The following MEI4 variants were observed in gnomAD, a reference collection of about 807,000 sequenced individuals.
MEI4 encodes the protein meiotic double-stranded break formation protein 4, also known as meiosis-specific protein MEI4.
MEI4 carries 27 observed loss-of-function variants against 31.4 expected under a neutral mutation model. The ratio of observed to expected loss-of-function variants is 0.86; its 90% CI spans 0.63 to 1.19. MEI4 has a LOEUF of 1.19. Ranked by LOEUF, MEI4 falls within the 50% of genes most tolerant of loss-of-function variation. The probability of loss-of-function intolerance (pLI) is 0.00; values close to 1 mark genes in which losing one functional copy is unlikely to be tolerated. For missense variants in MEI4, 329 were observed against 398.9 expected (o/e 0.82, Z 1.49); for synonymous variants, 122 against 145.4 (o/e 0.84, Z 1.16).
chr6:77,658,100 G>A (rs917414926), intron 1 of MEI4, among the ~76,000 whole-genome samples: 2 of 152,194 alleles, frequency 1.3e-5, no homozygotes, highest in Admixed American at 6.5e-5. Context: ...GGGTGCAGGC[G>A]GGCTGAGTCC....
chr6:77,767,304 C>T (rs959520523), intron 3 of MEI4, among the ~76,000 whole-genome samples: 32 of 151,782 alleles, frequency 2.1e-4, no homozygotes, highest in Admixed American at 1.4e-3. Flanking sequence ...CGCTTGAACC[C>T]GGGAGGCAGA....
intron 4 of MEI4, among the ~76,000 whole-genome samples, chr6:77,866,387 G>C (rs1326307966): frequency 6.6e-6 from 1 of 152,080 alleles, no homozygotes; most frequent in Non-Finnish European, 1.5e-5. Flanking sequence ...CAAAGTCTCA[G>C]GATACAAAAT....
chr6:77,893,692 A>G (rs1039749628), intron 4 of MEI4, among the ~76,000 whole-genome samples: 10 of 152,282 alleles, frequency 6.6e-5, no homozygotes, highest in African/African-American at 2.4e-4. Flanking sequence ...TTCTTGTTCT[A>G]TACTCCTTTT....
At chr6:77,882,977 T>C (rs1365918145) in intron 4 of MEI4, among the ~76,000 whole-genome samples, 1 of 152,232 alleles carries the variant, frequency 6.6e-6, no homozygotes, top group African/African-American at 2.4e-5. Context: ...TGATGTTAGC[T>C]AATGATAGTG....
intron 4 of MEI4, among the ~76,000 whole-genome samples, chr6:77,857,859 G>T (rs532191526): frequency 1.3e-5 from 2 of 152,112 alleles, no homozygotes; most frequent in African/African-American, 4.8e-5. Context: ...GTTTTTAACC[G>T]TATGTATTGA....
At chr6:77,700,614 T>A (rs1766194846) in intron 2 of MEI4, among the ~76,000 whole-genome samples, 1 of 152,210 alleles carries the variant, frequency 6.6e-6, no homozygotes, top group Non-Finnish European at 1.5e-5. Flanking sequence ...GCACTGACTG[T>A]CTGGCACTCC....
intron 1 of MEI4, among the ~76,000 whole-genome samples, chr6:77,657,382 T>C (rs1174728680): frequency 1.3e-5 from 2 of 152,220 alleles, no homozygotes; most frequent in Non-Finnish European, 2.9e-5. Flanking sequence ...TTCATTGACC[T>C]AGGATTGGAA....
intron 2 of MEI4, among the ~76,000 whole-genome samples, chr6:77,744,819 AT>A (rs1767538117): frequency 6.6e-6 from 1 of 152,238 alleles, no homozygotes; most frequent in Admixed American, 6.5e-5. Context: ...AATATTCAAC[AT>A]TCTTAAAGGA....
chr6:77,662,699 A>T (rs1768535115), intron 1 of MEI4, among the ~76,000 whole-genome samples: 1 of 152,180 alleles, frequency 6.6e-6, no homozygotes. Flanking sequence ...GAGAAAGGCT[A>T]CAGGGTGTGG....
At chr6:77,675,628 A>T (rs745472631) in intron 1 of MEI4, among the ~76,000 whole-genome samples, 1 of 151,816 alleles carries the variant, frequency 6.6e-6, no homozygotes, top group Non-Finnish European at 1.5e-5. Context: ...AGCAGAGCCC[A>T]CTGTCATACC....
chr6:77,749,257 A>G (rs1767701321), intron 2 of MEI4, among the ~76,000 whole-genome samples: 1 of 152,138 alleles, frequency 6.6e-6, no homozygotes. Flanking sequence ...AAGAAAACTG[A>G]ACAGAGAATG....
At chr6:77,809,664 G>A (rs1476643563) in intron 3 of MEI4, among the ~76,000 whole-genome samples, 1 of 152,128 alleles carries the variant, frequency 6.6e-6, no homozygotes, top group African/African-American at 2.4e-5. Context: ...AATAGAATGA[G>A]GCTGAGAATT....
chr6:77,867,824 A>C (rs546446820), intron 4 of MEI4, among the ~76,000 whole-genome samples: 24 of 152,258 alleles, frequency 1.6e-4, no homozygotes, highest in African/African-American at 4.6e-4. Flanking sequence ...ACCCAAATGT[A>C]CAACAATGAT....
intron 3 of MEI4, among the ~76,000 whole-genome samples, chr6:77,779,987 T>A (rs1201371562): frequency 1.3e-5 from 2 of 152,180 alleles, no homozygotes. Flanking sequence ...TAACAAGTAT[T>A]CTAAAGAGTT....
chr6:77,716,782 A>C, intron 2 of MEI4: 1 of 587,362 alleles, frequency 1.7e-6, no homozygotes, highest in Non-Finnish European at 2.1e-6. Context: ...CTGGAACAGA[A>C]AACCAAACAC....
chr6:77,868,242 CAAAA>C (rs35228781), intron 4 of MEI4, among the ~76,000 whole-genome samples: 60 of 146,712 alleles, frequency 4.1e-4, no homozygotes, highest in African/African-American at 1.5e-3. Flanking sequence ...AAATTAAAAG[CAAAA>C]AAAAATGCCA....
At chr6:77,865,010 G>A (rs1770979991) in intron 4 of MEI4, among the ~76,000 whole-genome samples, 1 of 152,212 alleles carries the variant, frequency 6.6e-6, no homozygotes, top group African/African-American at 2.4e-5. Flanking sequence ...GAAGGCAGAA[G>A]TAAATATGTT....
At position 77,670,950 on chromosome 6, in the gene MEI4, A is replaced by G. The variant is rs567648573; in HGVS notation, c.-15+17858A>G. Among the ~76,000 whole-genome samples, 111 of 152,164 alleles carry G rather than the reference A, an allele frequency of 7.3e-4. 1 individual carries two copies. Among genetic ancestry groups the G allele is most frequent in the Non-Finnish European group, 1.2e-3 (80 of 68,012 alleles). ...TGATTTATAAATAAAAAAAATTACA[A>G]TCACATTTATGTTTCTGATGTGGTC... On this transcript the variant is annotated intron_variant, in intron 1 of 4. Transcript: ENST00000684080.
intron 1 of MEI4, among the ~76,000 whole-genome samples, chr6:77,657,653 C>T (rs542032657): frequency 6.6e-6 from 1 of 152,128 alleles, no homozygotes; most frequent in South Asian, 2.1e-4. Context: ...CAGCTGTCTA[C>T]TTTAAGAAGT....
Sources: allele counts gnomAD v4.1 joint callset (sites outside exome capture counted in the v4.1 genomes callset), GRCh38; gene constraint gnomAD v4.1.1; transcripts MANE v1.5; gene names NCBI Gene and HGNC (gene_info 2026-07-23, HGNC 2026-07-21).